Variants in ARID4B observed in about 807,000 individuals in gnomAD.
The protein encoded by ARID4B is AT-rich interaction domain 4B.
Under a neutral mutation model 147.5 loss-of-function variants are expected in ARID4B, and 26 were observed. The observed-to-expected ratio is 0.18, with a 90% confidence interval of 0.13 to 0.24. The LOEUF (loss-of-function observed/expected upper bound fraction) is 0.24, where lower values mean the gene tolerates loss of function less well. Ranked by LOEUF, ARID4B falls within the 10% of genes least tolerant of loss-of-function variation. The pLI is 1.00. For synonymous variants in ARID4B, 512 were observed against 507.9 expected (o/e 1.01, Z -0.11); for missense variants, 1,179 against 1,511.5 (o/e 0.78, Z 3.65).
intron 21 of ARID4B, 53 bp downstream of exon 21, chr1:235,177,746 TA>T: frequency 8.1e-7 from 1 of 1,234,444 alleles, no homozygotes; most frequent in Non-Finnish European, 1.2e-6. Context: ...TTACTGGGGG[TA>T]AAATTATCAG....
rs541772486 is a variant in ARID4B at position 235,211,674 on chromosome 1, G to C, written c.1841+2095C>G. On this transcript the variant is annotated intron_variant, in intron 17 of 23. Coordinates refer to ENST00000264183, the MANE Select transcript of ARID4B (RefSeq NM_016374.6). ...GTTCACTGCAGCCTCGAATTCCTGG[G>C]TTCAAGTGATCCTCCCACCTCAGTA... Among the ~76,000 whole-genome samples, 3 of 152,078 alleles carry C rather than the reference G, an allele frequency of 2.0e-5. No homozygotes were observed. The East Asian group carries it at 5.8e-4, about 29-fold the overall frequency.
chr1:235,293,595 C>G (rs1672482225), intron 2 of ARID4B, among the ~76,000 whole-genome samples: 1 of 151,730 alleles, frequency 6.6e-6, no homozygotes, highest in South Asian at 2.1e-4. Flanking sequence ...TTGCTCAAAC[C>G]TAGGTTAAGT....
chr1:235,252,287 A>G (rs1669692998), intron 6 of ARID4B, among the ~76,000 whole-genome samples: 1 of 152,170 alleles, frequency 6.6e-6, no homozygotes, highest in African/African-American at 2.4e-5. Flanking sequence ...TAAGGAATGG[A>G]AGGGACAATT....
At chr1:235,249,121 C>A (rs976124746) in intron 6 of ARID4B, among the ~76,000 whole-genome samples, 6 of 150,662 alleles carry the variant, frequency 4.0e-5, no homozygotes, top group African/African-American at 1.2e-4. Context: ...TCACTTGAGG[C>A]TAGGAGTTCA....
At chr1:235,171,880 A>AGC (rs1446988892) in intron 23 of ARID4B, among the ~76,000 whole-genome samples, 1 of 152,076 alleles carries the variant, frequency 6.6e-6, no homozygotes, top group East Asian at 1.9e-4. Context: ...GACCTCAGGC[A>AGC]ATCCACCCAC....
chr1:235,256,981 T>A (rs1670025811), intron 4 of ARID4B, among the ~76,000 whole-genome samples, 179 bp downstream of exon 4: 1 of 152,196 alleles, frequency 6.6e-6, no homozygotes, highest in Non-Finnish European at 1.5e-5. Context: ...CCTCAAGCTA[T>A]CCTCCTGCCT....
At chr1:235,280,846 T>G (rs1192759153) in intron 2 of ARID4B, among the ~76,000 whole-genome samples, 2 of 152,096 alleles carry the variant, frequency 1.3e-5, no homozygotes, top group African/African-American at 4.8e-5. Flanking sequence ...GGAAGGATAA[T>G]GTACAGAGAG....
At chr1:235,266,318 G>A (rs982417311) in intron 2 of ARID4B, among the ~76,000 whole-genome samples, 7 of 151,890 alleles carry the variant, frequency 4.6e-5, no homozygotes, top group African/African-American at 1.7e-4. Flanking sequence ...CTATCTATAC[G>A]TAGCCAGAAA....
chr1:235,277,279 AGT>A (rs772561766), intron 2 of ARID4B, among the ~76,000 whole-genome samples: 21 of 151,798 alleles, frequency 1.4e-4, no homozygotes, highest in Non-Finnish European at 2.6e-4. Flanking sequence ...GGCTGGGTGC[AGT>A]GTAATCCCAG....
At chr1:235,270,341 T>A (rs928979181) in intron 2 of ARID4B, among the ~76,000 whole-genome samples, 1 of 152,046 alleles carries the variant, frequency 6.6e-6, no homozygotes, top group Non-Finnish European at 1.5e-5. Flanking sequence ...AACACGAAAA[T>A]CTTTGGATGT....
rs958633906 is a variant in ARID4B, at chr1:235,194,159, C to G, written c.1979G>C (p.Cys660Ser). 6.2e-7 allele frequency: 1 copy of G among 1,613,214 alleles called. No homozygotes were observed. Residue 660 changes from cysteine (C) to serine (S), a missense_variant, in exon 19 of 24, where the codon TGT becomes TCT. Physicochemically the swap from Cys to Ser is moderately radical, Grantham distance 112. This residue lies in a region of ARID4B where 321 missense variants were observed against 342.4 expected (regional missense o/e 0.94). Transcript: ENST00000264183. The stretch of plus-strand genomic sequence containing the variant: ...TGGTTTGGACAAGCGCCGAAGTTTA[C>G]AGTTTTTTGGAGAGTATTTTTCATC... ...DKDEKYSPKN[C>S]KLRRLSKPPF...
At chr1:235,195,983 A>G in intron 18 of ARID4B, 48 bp downstream of exon 18, 1 of 1,172,894 alleles carries the variant, frequency 8.5e-7, no homozygotes, top group Non-Finnish European at 1.2e-6. Flanking sequence ...ATTTGGAGGA[A>G]AACTTCTTTT....
intron 17 of ARID4B, among the ~76,000 whole-genome samples, chr1:235,202,109 T>C (rs1448124908): frequency 6.6e-6 from 1 of 151,182 alleles, no homozygotes; most frequent in African/African-American, 2.4e-5. Flanking sequence ...GGAATTATGA[T>C]TACAAATCAT....
chr1:235,191,471 G>A (rs1345896336), intron 19 of ARID4B, among the ~76,000 whole-genome samples: 1 of 151,842 alleles, frequency 6.6e-6, no homozygotes, highest in Admixed American at 6.6e-5. Context: ...GGCCAGGCTG[G>A]TCTCAAACTC....
chr1:235,296,720 A>G, intron 2 of ARID4B, among the ~76,000 whole-genome samples: 1 of 149,920 alleles, frequency 6.7e-6, no homozygotes. Flanking sequence ...TCAGCCTCCC[A>G]GAGTGCTTAG....
Position 235,175,337 on chromosome 1 carries a change from T to C in ARID4B, c.3511A>G (p.Lys1171Glu), listed in dbSNP as rs1230246887. ...GACTTCATTCCAGTGGAAACTGATT[T>C]GACTGGCTGACTCTTAGTTATACTT... ...GESITKSQPV[K>E]SVSTGMKSHS... is the part of the protein sequence containing the mutation. Residue 1171 changes from lysine (K) to glutamate (E), a missense_variant, in exon 22 of 24, where the codon AAA becomes GAA. By Grantham distance (56) the Lys-to-Glu change is moderately conservative (BLOSUM62 1). This residue lies in a region of ARID4B where 357 missense variants were observed against 427.3 expected (regional missense o/e 0.84). Coordinates refer to ENST00000264183, the MANE Select transcript of ARID4B (RefSeq NM_016374.6). 1 of 1,614,176 alleles carries C rather than the reference T, an allele frequency of 6.2e-7. No individual in the cohort carries two copies. The highest frequency in any genetic ancestry group is 1.7e-5 in the Admixed American group (1 of 60,020).
At chr1:235,287,184 A>G (rs1672029596) in intron 2 of ARID4B, among the ~76,000 whole-genome samples, 1 of 152,148 alleles carries the variant, frequency 6.6e-6, no homozygotes, top group Admixed American at 6.5e-5. Flanking sequence ...GCTTGAACCC[A>G]AGAGGCGGAG....
rs144089051 is a variant in ARID4B at position 235,182,401 on chromosome 1, C to T, written c.2518G>A (p.Gly840Ser). The change falls in exon 20 of 24, where the codon GGC becomes AGC. Residue 840 changes from glycine to serine, a missense_variant. Coordinates refer to ENST00000264183, the MANE Select transcript of ARID4B (RefSeq NM_016374.6). ...TEECLKTGSP[G>S]KKEEKAKNKE... is the part of the protein sequence containing the mutation. ...TTCTTGGCCTTCTCTTCCTTTTTGC[C>T]AGGTGATCCAGTTTTTAGACACTCT... The T allele has an allele frequency of 4.4e-5, 71 of 1,607,918 alleles. No homozygotes were observed. The African/African-American group carries it at 8.9e-4, about 20-fold the overall frequency.
At chr1:235,292,287 T>C (rs1386350390) in intron 2 of ARID4B, among the ~76,000 whole-genome samples, 1 of 152,190 alleles carries the variant, frequency 6.6e-6, no homozygotes, top group African/African-American at 2.4e-5. Context: ...ATTCCAATGT[T>C]ACTGATTTAC....
Sources: allele counts gnomAD v4.1 joint callset (sites outside exome capture counted in the v4.1 genomes callset), GRCh38; gene constraint gnomAD v4.1.1; regional missense constraint gnomAD v4.1.1; transcripts MANE v1.5; gene names NCBI Gene and HGNC (gene_info 2026-07-23, HGNC 2026-07-21).